Variants in ANKFN1 observed in about 807,000 individuals in gnomAD.
ANKFN1 encodes ankyrin repeat and fibronectin type-III domain-containing protein 1.
A neutral mutation model predicts 108.7 loss-of-function variants in ANKFN1; 74 were observed. The observed-to-expected ratio is 0.68, with a 90% CI of 0.56 to 0.83. The LOEUF is 0.83. Ranked by LOEUF, ANKFN1 falls within the 40% of genes least tolerant of loss-of-function variation. The pLI is 0.00. For missense variants in ANKFN1, 1,505 were observed against 1,382.3 expected (o/e 1.09, Z -1.41); for synonymous variants, 547 against 516.2 (o/e 1.06, Z -0.81).
intron 1 of ANKFN1, among the ~76,000 whole-genome samples, chr17:56,164,076 A>T (rs868048463): frequency 6.6e-6 from 1 of 152,176 alleles, no homozygotes; most frequent in African/African-American, 2.4e-5. Context: ...TGGACCCCCA[A>T]GGCCTCTCAT....
At chr17:56,087,610 C>A (rs1905340163) in intron 4 of ANKFN1, among the ~76,000 whole-genome samples, 1 of 151,288 alleles carries the variant, frequency 6.6e-6, no homozygotes, top group Non-Finnish European at 1.5e-5. Flanking sequence ...CCCACTTGTT[C>A]ATTGCAATTT....
At chr17:56,219,057 A>G (rs555073867) in intron 2 of ANKFN1, among the ~76,000 whole-genome samples, 36 of 152,152 alleles carry the variant, frequency 2.4e-4, no homozygotes, top group Non-Finnish European at 4.9e-4. Context: ...CTGACTACAA[A>G]TGCCTCAATA....
chr17:56,235,867 A>C (rs1324815587), intron 3 of ANKFN1, among the ~76,000 whole-genome samples: 1 of 152,108 alleles, frequency 6.6e-6, no homozygotes, highest in East Asian at 1.9e-4. Context: ...GAATTTTGAA[A>C]TCATTTTTTC....
intron 3 of ANKFN1, among the ~76,000 whole-genome samples, chr17:56,240,121 T>G (rs973969575): frequency 2.0e-5 from 3 of 152,134 alleles, no homozygotes; most frequent in African/African-American, 7.2e-5. Flanking sequence ...TTTAAAGAAA[T>G]AAATTACTTT....
At chr17:56,103,531 C>G (rs1054787510) in intron 4 of ANKFN1, among the ~76,000 whole-genome samples, 3 of 152,132 alleles carry the variant, frequency 2.0e-5, no homozygotes, top group Non-Finnish European at 4.4e-5. Flanking sequence ...GGTTGGGCGA[C>G]AGTGCTCCAC....
intron 4 of ANKFN1, among the ~76,000 whole-genome samples, chr17:56,069,801 A>G (rs969571331): frequency 3.9e-5 from 6 of 152,218 alleles, no homozygotes; most frequent in African/African-American, 1.4e-4. Flanking sequence ...AGGAAAGTAA[A>G]GGAACAAAAG....
Position 56,492,247 on chromosome 17 carries a change from T to C in ANKFN1, c.2321T>C (p.Val774Ala). ...ISLYCRLSAV[V>A]ELDSLNTQQS... ...CTGTATTGCCGCCTTTCTGCTGTTG[T>C]GGAGCTGGATTCTCTGAACACCCAA... The change falls in exon 19 of 21, where the codon GTG (valine) becomes GCG (alanine). Residue 774 changes from valine to alanine, a missense_variant. Physicochemically the swap from Val to Ala is moderately conservative, Grantham distance 64 (BLOSUM62 0). Coordinates refer to ENST00000682825, the MANE Select transcript of ANKFN1 (RefSeq NM_001370326.1). The C allele has an allele frequency of 1.4e-6, 1 of 702,670 alleles. No homozygotes were observed. Among genetic ancestry groups the C allele is most frequent in the South Asian group, 1.5e-5 (1 of 67,570 alleles). The allele number at this position is 702,670 out of a possible 1,614,324, so 43.5% of individuals were successfully genotyped here.
intron 1 of ANKFN1, among the ~76,000 whole-genome samples, chr17:56,185,277 C>T (rs1377561893): frequency 6.6e-6 from 1 of 152,134 alleles, no homozygotes. Flanking sequence ...AAATATTTAT[C>T]CATTCATGTA....
chr17:56,156,368 G>A (rs559328500), intron 1 of ANKFN1, among the ~76,000 whole-genome samples: 1 of 152,292 alleles, frequency 6.6e-6, no homozygotes, highest in African/African-American at 2.4e-5. Flanking sequence ...GATTGCAGGT[G>A]TGAGCCACCA....
chr17:56,144,186 C>CTT (rs1908114309), intron 4 of ANKFN1, among the ~76,000 whole-genome samples: 2 of 16,772 alleles, frequency 1.2e-4, no homozygotes, highest in Non-Finnish European at 2.9e-4. Context: ...AAAAAAAAAA[C>CTT]AGCCCAAACC....
chr17:56,460,348 G>A (rs2049859298), intron 14 of ANKFN1, among the ~76,000 whole-genome samples: 1 of 152,164 alleles, frequency 6.6e-6, no homozygotes, highest in Non-Finnish European at 1.5e-5. Flanking sequence ...GGCTACTCAG[G>A]AGTCTGACGT....
intron 4 of ANKFN1, among the ~76,000 whole-genome samples, chr17:56,338,136 T>A (rs1158626668): frequency 6.6e-6 from 1 of 152,110 alleles, no homozygotes; most frequent in Non-Finnish European, 1.5e-5. Context: ...AAAAGTATGA[T>A]TTCATGTCCT....
chr17:56,271,653 G>C (rs1446512156), intron 3 of ANKFN1, among the ~76,000 whole-genome samples: 4 of 152,154 alleles, frequency 2.6e-5, no homozygotes, highest in Non-Finnish European at 5.9e-5. Context: ...GGAAGGGCAG[G>C]GGATTCTAAA....
chr17:56,504,003 C>G (rs1334598687), intron 20 of ANKFN1, among the ~76,000 whole-genome samples: 1 of 152,232 alleles, frequency 6.6e-6, no homozygotes, highest in African/African-American at 2.4e-5. Context: ...ACTTTGCATT[C>G]TTTTCCAGGA....
At chr17:56,167,612 C>G (rs1406842782) in intron 1 of ANKFN1, among the ~76,000 whole-genome samples, 1 of 152,008 alleles carries the variant, frequency 6.6e-6, no homozygotes, top group Non-Finnish European at 1.5e-5. Context: ...ATGTACTACA[C>G]TATAGTTTAG....
chr17:56,066,840 C>T (rs1350900357), intron 4 of ANKFN1, among the ~76,000 whole-genome samples: 2 of 152,108 alleles, frequency 1.3e-5, no homozygotes, highest in Non-Finnish European at 2.9e-5. Flanking sequence ...TTGTAATTGA[C>T]TTATTTCACT....
At chr17:56,264,795 G>T (rs28711376) in intron 3 of ANKFN1, among the ~76,000 whole-genome samples, 7,454 of 152,192 alleles carry the variant, frequency 0.049, 215 homozygotes, top group South Asian at 0.092. Flanking sequence ...TGTTAACAAT[G>T]ACCTCAAAAT....
intron 3 of ANKFN1, among the ~76,000 whole-genome samples, chr17:56,297,537 T>C (rs564401622): frequency 8.5e-5 from 13 of 152,304 alleles, no homozygotes; most frequent in African/African-American, 3.1e-4. Context: ...CTGAGATTCA[T>C]TTTGATAATC....
chr17:56,461,546 T>G (rs149892841), intron 14 of ANKFN1, among the ~76,000 whole-genome samples: 128 of 152,324 alleles, frequency 8.4e-4, no homozygotes, highest in African/African-American at 3.0e-3. Context: ...CTATATATCC[T>G]CCAGGTCTCA....
Sources: allele counts gnomAD v4.1 joint callset (sites outside exome capture counted in the v4.1 genomes callset), GRCh38; gene constraint gnomAD v4.1.1; transcripts MANE v1.5; gene names NCBI Gene and HGNC (gene_info 2026-07-23, HGNC 2026-07-21).